Variants in KLF12 observed in about 807,000 individuals in gnomAD.
The protein encoded by KLF12 is Krueppel-like factor 12.
In KLF12, 9 loss-of-function variants were observed where a neutral mutation model predicts 37.8. The observed-to-expected ratio is 0.24, with a 90% CI of 0.14 to 0.42. KLF12 has a LOEUF of 0.42. Among genes scored for constraint, KLF12 ranks in the 10% least tolerant of loss-of-function variants. The pLI is 1.00. For missense variants in KLF12, 411 were observed against 516.0 expected (o/e 0.80, Z 1.97); for synonymous variants, 208 against 202.1 (o/e 1.03, Z -0.25).
intron 1 of KLF12, among the ~76,000 whole-genome samples, chr13:74,051,417 T>C (rs1490582767): frequency 6.6e-6 from 1 of 151,022 alleles, no homozygotes; most frequent in Non-Finnish European, 1.5e-5. Flanking sequence ...ACTCTGCACA[T>C]TTAGGGACAT....
At chr13:74,220,985 G>A in the KLF12 span, among the ~76,000 whole-genome samples, 1 of 150,898 alleles carries the variant, frequency 6.6e-6, no homozygotes, top group Non-Finnish European at 1.5e-5. Flanking sequence ...ATATCACTTA[G>A]TCTTTTTTGT....
the KLF12 span, among the ~76,000 whole-genome samples, chr13:74,275,850 CT>C: frequency 2.1e-3 from 239 of 115,410 alleles, 1 homozygote; most frequent in Non-Finnish European, 3.0e-3. Context: ...TTCTTTCTTT[CT>C]TTCTTTCTTT....
chr13:73,758,490 T>C (rs1041659514), intron 6 of KLF12, among the ~76,000 whole-genome samples: 12 of 152,174 alleles, frequency 7.9e-5, no homozygotes, highest in Non-Finnish European at 1.5e-4. Flanking sequence ...GGAGATGTTT[T>C]ATTACATGAT....
chr13:73,819,671 C>T (rs73533806), intron 4 of KLF12, among the ~76,000 whole-genome samples: 40,770 of 151,854 alleles, frequency 0.27, 5,618 homozygotes, highest in East Asian at 0.49. Flanking sequence ...ATATATACTA[C>T]GTCAGATAGT....
At chr13:73,918,005 G>T (rs1888924238) in intron 3 of KLF12, among the ~76,000 whole-genome samples, 1 of 151,818 alleles carries the variant, frequency 6.6e-6, no homozygotes, top group Admixed American at 6.6e-5. Flanking sequence ...CTAGCTAAGG[G>T]GTAGTCTTTA....
chr13:73,744,195 G>T (rs567126319), intron 6 of KLF12, among the ~76,000 whole-genome samples: 1 of 152,182 alleles, frequency 6.6e-6, no homozygotes, highest in South Asian at 2.1e-4. Flanking sequence ...GGGTAGCATG[G>T]ATTGGATTAG....
chr13:74,178,802 C>T, the KLF12 span, among the ~76,000 whole-genome samples: 1 of 152,132 alleles, frequency 6.6e-6, no homozygotes, highest in Non-Finnish European at 1.5e-5. Flanking sequence ...TTCCATTTGA[C>T]CCTCCCCAGC....
intron 1 of KLF12, among the ~76,000 whole-genome samples, chr13:74,054,520 G>A (rs1488441393): frequency 6.6e-6 from 1 of 152,038 alleles, no homozygotes; most frequent in African/African-American, 2.4e-5. Flanking sequence ...GTTTTAGAAA[G>A]ACAGAACAAA....
the KLF12 span, among the ~76,000 whole-genome samples, chr13:74,186,375 C>A: frequency 0.036 from 5,507 of 152,148 alleles, 244 homozygotes; most frequent in African/African-American, 0.1. Flanking sequence ...CCGTGAAGAC[C>A]TCACCAAAGT....
the KLF12 span, among the ~76,000 whole-genome samples, chr13:74,263,433 G>T: frequency 2.6e-5 from 4 of 152,302 alleles, no homozygotes; most frequent in Admixed American, 1.3e-4. Flanking sequence ...AGAGCATATA[G>T]AATTGGGTTT....
At chr13:74,147,196 T>C in the KLF12 span, among the ~76,000 whole-genome samples, 1 of 152,092 alleles carries the variant, frequency 6.6e-6, no homozygotes, top group Non-Finnish European at 1.5e-5. Flanking sequence ...TTTCACATAG[T>C]TCAGACATTG....
the KLF12 span, among the ~76,000 whole-genome samples, chr13:74,282,672 C>T: frequency 2.6e-5 from 4 of 152,120 alleles, no homozygotes; most frequent in Non-Finnish European, 5.9e-5. Flanking sequence ...GAAATAATAA[C>T]TTCAGGGAAG....
chr13:73,699,833 A>G (rs1874417296), intron 7 of KLF12, among the ~76,000 whole-genome samples: 1 of 152,206 alleles, frequency 6.6e-6, no homozygotes, highest in African/African-American at 2.4e-5. Flanking sequence ...GAGCCCATAA[A>G]TGTAGAGTGG....
chr13:74,202,369 A>T, the KLF12 span, among the ~76,000 whole-genome samples: 2 of 152,054 alleles, frequency 1.3e-5, no homozygotes, highest in Admixed American at 6.6e-5. Flanking sequence ...TCCACTATTC[A>T]AGGGATTGTT....
the KLF12 span, among the ~76,000 whole-genome samples, chr13:74,278,674 C>A: frequency 1.3e-5 from 2 of 152,170 alleles, no homozygotes; most frequent in African/African-American, 4.8e-5. Context: ...CCTCCTCAAT[C>A]TCCACCCGCT....
chr13:73,805,660 GGAAGGAAGGAAGGAAGGAAGGA>G (rs1566380412), intron 5 of KLF12, among the ~76,000 whole-genome samples: 18 of 50,702 alleles, frequency 3.6e-4, no homozygotes, highest in African/African-American at 1.7e-3. Context: ...GAGGAAGGAA[GGAAGGAAGGAAGGAAGGAAGGA>G]AGGAAGGAAG....
the KLF12 span, among the ~76,000 whole-genome samples, chr13:74,246,594 C>T: frequency 1.3e-5 from 2 of 152,204 alleles, no homozygotes; most frequent in Non-Finnish European, 1.5e-5. Context: ...ATAACACAGA[C>T]CAATGTGAGG....
intron 2 of KLF12, among the ~76,000 whole-genome samples, chr13:73,980,649 A>G (rs568449624): frequency 6.6e-6 from 1 of 152,338 alleles, no homozygotes; most frequent in East Asian, 1.9e-4. Flanking sequence ...AAAAAAGATG[A>G]CCATTCAATA....
intron 1 of KLF12, among the ~76,000 whole-genome samples, chr13:74,037,046 A>AT (rs1216132216): frequency 6.6e-6 from 1 of 151,948 alleles, no homozygotes; most frequent in African/African-American, 2.4e-5. Flanking sequence ...TCTACTGAAA[A>AT]TAAAAAAATT....
Sources: gnomAD v4.1 joint callset for allele counts (sites outside exome capture counted in the v4.1 genomes callset) on GRCh38, gnomAD v4.1.1 for gene constraint, MANE v1.5 for transcripts, NCBI Gene and HGNC (gene_info 2026-07-23, HGNC 2026-07-21) for gene names.